PLEKHH2: variants seen among roughly 807,000 people sequenced by gnomAD.
PLEKHH2 encodes the protein pleckstrin homology, MyTH4 and FERM domain containing H2.
In PLEKHH2, 129 loss-of-function variants were observed where a neutral mutation model predicts 187.9. The ratio of observed to expected loss-of-function variants is 0.69; its 90% confidence interval spans 0.59 to 0.79. The LOEUF (loss-of-function observed/expected upper bound fraction) is 0.79, where lower values mean the gene tolerates loss of function less well. PLEKHH2 is among the 30% of genes least tolerant of loss of function. The probability of loss-of-function intolerance (pLI) is 0.00; values close to 1 mark genes in which losing one functional copy is unlikely to be tolerated. For synonymous variants in PLEKHH2, 686 were observed against 605.6 expected (o/e 1.13, Z -1.95); for missense variants, 2,076 against 1,751.2 (o/e 1.19, Z -3.31).
At chr2:43,720,616 T>G in intron 15 of PLEKHH2, 53 bp from the exon 16 acceptor site, 1 of 1,595,398 alleles carries the variant, frequency 6.3e-7, no homozygotes, top group Non-Finnish European at 8.5e-7. Flanking sequence ...AGCTATAATT[T>G]AAGGTGTCAG....
At chr2:43,724,910 TC>T (rs1477645210) in intron 16 of PLEKHH2, among the ~76,000 whole-genome samples, 2 of 152,224 alleles carry the variant, frequency 1.3e-5, no homozygotes, top group Admixed American at 1.3e-4. Flanking sequence ...ATACCAAAGT[TC>T]TTGTTCTCAA....
intron 2 of PLEKHH2, among the ~76,000 whole-genome samples, chr2:43,657,337 C>G (rs913697496): frequency 6.6e-6 from 1 of 152,148 alleles, no homozygotes; most frequent in African/African-American, 2.4e-5. Flanking sequence ...CGCCGCCACA[C>G]CTTGATTTCA....
chr2:43,688,737 A>G (rs916465351), intron 3 of PLEKHH2, among the ~76,000 whole-genome samples: 1 of 152,228 alleles, frequency 6.6e-6, no homozygotes, highest in Non-Finnish European at 1.5e-5. Flanking sequence ...GGAAAAGGGC[A>G]CATAGAGTGG....
chr2:43,710,757 G>A, intron 14 of PLEKHH2, 182 bp downstream of exon 14: 1 of 1,378,780 alleles, frequency 7.3e-7, no homozygotes, highest in African/African-American at 1.5e-5. Flanking sequence ...TATAATGTAA[G>A]TTAGGTGTGT....
chr2:43,700,822 G>T (rs1669328166), intron 8 of PLEKHH2, among the ~76,000 whole-genome samples: 2 of 152,062 alleles, frequency 1.3e-5, no homozygotes, highest in South Asian at 4.2e-4. Flanking sequence ...GCTAATTTTT[G>T]TATTTTTGGT....
intron 24 of PLEKHH2, among the ~76,000 whole-genome samples, chr2:43,752,931 C>G (rs1672063504): frequency 6.6e-6 from 1 of 152,150 alleles, no homozygotes; most frequent in South Asian, 2.1e-4. Flanking sequence ...GCCAAAAAGT[C>G]AAAACACACT....
chr2:43,642,696 T>C (rs1666004889), intron 1 of PLEKHH2, among the ~76,000 whole-genome samples: 2 of 152,196 alleles, frequency 1.3e-5, no homozygotes, highest in South Asian at 4.1e-4. Flanking sequence ...TGAATGATTT[T>C]TCTGTGTCTA....
chr2:43,732,917 G>T (rs1671113133), intron 19 of PLEKHH2, among the ~76,000 whole-genome samples: 2 of 152,050 alleles, frequency 1.3e-5, no homozygotes, highest in Non-Finnish European at 2.9e-5. Context: ...AAAAATTCAG[G>T]GTCTTCCTCT....
At position 43,710,134 on chromosome 2, in the gene PLEKHH2, T is replaced by C. The variant is rs1343314991; in HGVS notation, c.2103+8T>C. 4.3e-6 allele frequency: 7 copies of C among 1,610,498 alleles called. No homozygotes were observed. The highest frequency in any genetic ancestry group is 5.1e-6 in the Non-Finnish European group (6 of 1,178,788). On this transcript the variant is annotated splice_region_variant and intron_variant, in intron 12 of 29. Coordinates refer to ENST00000282406, the MANE Select transcript of PLEKHH2 (RefSeq NM_172069.4). ...AGTGATAATGGGAAAAATGTAAATA[T>C]TGAATATGATTTTTAAAAAGCAGTC... is the stretch of plus-strand genomic sequence containing the variant.
chr2:43,652,058 T>G (rs1359319054), intron 2 of PLEKHH2, among the ~76,000 whole-genome samples: 1 of 152,198 alleles, frequency 6.6e-6, no homozygotes, highest in Non-Finnish European at 1.5e-5. Flanking sequence ...CAATCTTTTC[T>G]TTAGTGTGAG....
At chr2:43,751,805 T>A (rs1403549100) in intron 24 of PLEKHH2, among the ~76,000 whole-genome samples, 2 of 152,212 alleles carry the variant, frequency 1.3e-5, no homozygotes. Flanking sequence ...TTATGACTTC[T>A]TGGTCATTTT....
Position 43,762,394 on chromosome 2 carries a change from A to G in PLEKHH2, c.4158+4A>G. 6.3e-7 allele frequency: 1 copy of G among 1,596,338 alleles called. No individual in the cohort carries two copies. Among genetic ancestry groups the G allele is most frequent in the Non-Finnish European group, 8.6e-7 (1 of 1,163,992 alleles). The stretch of plus-strand genomic sequence containing the variant: ...CCTCTTAGAATACAACTCCATGGTA[A>G]GTTTAAACGCTCAAGTTTTGCATTA... On this transcript the variant is annotated splice_donor_region_variant and intron_variant, in intron 28 of 29. Transcript: ENST00000282406.
In PLEKHH2 at chr2:43,752,599, C is replaced by G. The variant is rs1230114911; in HGVS notation, c.3654-1020C>G. Among the ~76,000 whole-genome samples, 10 of 152,114 alleles carry G rather than the reference C, an allele frequency of 6.6e-5. 1 individual carries two copies. On this transcript the variant is annotated intron_variant, in intron 24 of 29. Transcript: ENST00000282406. ...TGCAAAGTTATAGCCAAACTGAGCA[C>G]ACACCTAACAGTTACTGTATCTAAA...
chr2:43,762,315 A>G lies in PLEKHH2; in HGVS notation c.4083A>G (p.Pro1361=). The G allele has an allele frequency of 1.9e-6, 3 of 1,611,374 alleles. No homozygotes were observed. Among genetic ancestry groups the G allele is most frequent in the South Asian group, 1.1e-5 (1 of 91,012 alleles). The change falls in exon 28 of 30, where the codon CCA becomes CCG. Residue 1361 remains proline, a synonymous_variant. Coordinates refer to ENST00000282406, the MANE Select transcript of PLEKHH2 (RefSeq NM_172069.4). ...AKLFLAKPIT[P]SSLGSTFLWL... is the part of the protein sequence containing the mutation. ...TCACCTCTTCATAGCCCATAACTCCATCATCACTTGGAAGTACTTTCTTGT... is the reference window on the plus strand; with the variant it reads ...TCACCTCTTCATAGCCCATAACTCCGTCATCACTTGGAAGTACTTTCTTGT...
chr2:43,716,456 G>A (rs1487397163), intron 15 of PLEKHH2, among the ~76,000 whole-genome samples: 4 of 152,278 alleles, frequency 2.6e-5, no homozygotes, highest in Non-Finnish European at 5.9e-5. Context: ...AATCATTCAG[G>A]AAAGTAGGAT....
At chr2:43,680,020 C>G (rs975927019) in intron 3 of PLEKHH2, among the ~76,000 whole-genome samples, 8 of 71,880 alleles carry the variant, frequency 1.1e-4, no homozygotes, top group African/African-American at 3.6e-4. Context: ...CTTTCTGGGT[C>G]TTCCAGCATT....
At chr2:43,697,089 C>A in intron 6 of PLEKHH2, 82 bp from the exon 7 acceptor site, 1 of 1,192,884 alleles carries the variant, frequency 8.4e-7, no homozygotes, top group Non-Finnish European at 1.1e-6. Context: ...GTGATTTGTT[C>A]AAGTTTTTAT....
chr2:43,738,232 T>C, intron 19 of PLEKHH2, 109 bp from the exon 20 acceptor site: 1 of 903,598 alleles, frequency 1.1e-6, no homozygotes, highest in Non-Finnish European at 1.6e-6. Flanking sequence ...ATATATCCTT[T>C]TCCATCATTT....
At chr2:43,707,847 G>C (rs1184225244) in intron 11 of PLEKHH2, among the ~76,000 whole-genome samples, 1 of 151,890 alleles carries the variant, frequency 6.6e-6, no homozygotes, top group Non-Finnish European at 1.5e-5. Context: ...CTTGGCATTT[G>C]TGAAATAGAC....
Sources: allele counts gnomAD v4.1 joint callset (sites outside exome capture counted in the v4.1 genomes callset), GRCh38; gene constraint gnomAD v4.1.1; transcripts MANE v1.5; gene names NCBI Gene and HGNC (gene_info 2026-07-23, HGNC 2026-07-21).